The following MYO9B variants were observed in gnomAD, a reference collection of about 807,000 sequenced individuals.
MYO9B encodes unconventional myosin-IXb.
A neutral mutation model predicts 229.5 loss-of-function variants in MYO9B; 71 were observed. That is an observed-to-expected ratio of 0.31 (90% CI 0.26 to 0.38). The LOEUF (loss-of-function observed/expected upper bound fraction) is 0.38, where lower values mean the gene tolerates loss of function less well. Among genes scored for constraint, MYO9B ranks in the 10% least tolerant of loss-of-function variants. The probability of loss-of-function intolerance (pLI) is 1.00; values close to 1 mark genes in which losing one functional copy is unlikely to be tolerated. For missense variants in MYO9B, 2,255 were observed against 2,920.5 expected, an observed-to-expected ratio of 0.77 and a Z score of 5.25; for synonymous variants, 1,185 against 1,235.8, an observed-to-expected ratio of 0.96 and a Z score of 0.86.
intron 2 of MYO9B, among the ~76,000 whole-genome samples, chr19:17,138,385 G>C (rs1240743661): frequency 6.6e-6 from 1 of 152,142 alleles, no homozygotes; most frequent in Non-Finnish European, 1.5e-5. Context: ...CTCTATCGCA[G>C]AATGATTTAT....
At chr19:17,148,326 T>A (rs937904967) in intron 3 of MYO9B, among the ~76,000 whole-genome samples, 9 of 152,184 alleles carry the variant, frequency 5.9e-5, no homozygotes, top group Admixed American at 5.2e-4. Flanking sequence ...TTTCCAACAT[T>A]ATCTCTGTAT....
At chr19:17,203,898 G>A (rs2073134154) in intron 30 of MYO9B, among the ~76,000 whole-genome samples, 1 of 152,068 alleles carries the variant, frequency 6.6e-6, no homozygotes, top group Non-Finnish European at 1.5e-5. Context: ...CTGTAGGCCA[G>A]ACTCAGCCCC....
At chr19:17,120,299 G>A (rs191127748) in intron 2 of MYO9B, among the ~76,000 whole-genome samples, 8 of 152,256 alleles carry the variant, frequency 5.3e-5, no homozygotes, top group East Asian at 3.9e-4. Context: ...GGCAGCCACC[G>A]CTACTGCCCC....
chr19:17,153,877 G>A (rs1217310076), intron 4 of MYO9B, 90 bp from the exon 5 acceptor site: 23 of 898,220 alleles, frequency 2.6e-5, no homozygotes, highest in Non-Finnish European at 3.9e-5. Context: ...TTTGAGGTGT[G>A]CTCTCCAAAG....
chr19:17,100,246 C>G (rs116215881), intron 1 of MYO9B, among the ~76,000 whole-genome samples: 1,828 of 149,684 alleles, frequency 0.012, 47 homozygotes, highest in African/African-American at 0.041. Context: ...GAGGTTGGCA[C>G]ATCACCTGAG....
chr19:17,185,009 G>A (rs2072901740), intron 17 of MYO9B, 22 bp downstream of exon 17: 2 of 1,613,556 alleles, frequency 1.2e-6, no homozygotes, highest in African/African-American at 1.3e-5. Flanking sequence ...AGGAGAGGCA[G>A]AAGGTGGCGG....
chr19:17,192,602 T>G (rs1044910518), intron 20 of MYO9B, 144 bp from the exon 21 acceptor site: 1 of 502,578 alleles, frequency 2.0e-6, no homozygotes, highest in South Asian at 6.4e-5. Flanking sequence ...CTCAAAAAAA[T>G]AATAAATAAA....
intron 2 of MYO9B, among the ~76,000 whole-genome samples, chr19:17,139,977 G>A (rs2072317541): frequency 6.6e-6 from 1 of 151,930 alleles, no homozygotes; most frequent in Non-Finnish European, 1.5e-5. Context: ...GGAGGAGGAG[G>A]TTGTGGTGAG....
intron 28 of MYO9B, 70 bp downstream of exon 28, chr19:17,202,373 A>G: frequency 7.0e-7 from 1 of 1,429,452 alleles, no homozygotes; most frequent in Admixed American, 2.1e-5. Flanking sequence ...ATCCTTAGCC[A>G]CGCCCACCCA....
At chr19:17,110,405 G>C (rs564942311) in intron 2 of MYO9B, among the ~76,000 whole-genome samples, 4 of 152,298 alleles carry the variant, frequency 2.6e-5, no homozygotes, top group Admixed American at 6.5e-5. Context: ...CCCAGGGGCT[G>C]TGGATAGAGC....
intron 3 of MYO9B, 36 bp downstream of exon 3, chr19:17,145,527 G>A: frequency 6.4e-7 from 1 of 1,553,086 alleles, no homozygotes; most frequent in East Asian, 2.2e-5. Context: ...GGTGGGAGCT[G>A]GCCCCACGCA....
At chr19:17,169,478 G>A (rs1195262930) in intron 11 of MYO9B, among the ~76,000 whole-genome samples, 1 of 152,096 alleles carries the variant, frequency 6.6e-6, no homozygotes, top group Non-Finnish European at 1.5e-5. Flanking sequence ...AATTAGCCAG[G>A]CATGGTGGCG....
chr19:17,181,187 A>C, intron 15 of MYO9B, 147 bp downstream of exon 15: 1 of 581,456 alleles, frequency 1.7e-6, no homozygotes, highest in South Asian at 2.2e-5. Context: ...GCCATCACTA[A>C]ATGCCAATCA....
intron 15 of MYO9B, among the ~76,000 whole-genome samples, 166 bp downstream of exon 15, chr19:17,181,206 C>G (rs1173154042): frequency 1.3e-5 from 2 of 152,246 alleles, no homozygotes; most frequent in Admixed American, 1.3e-4. Context: ...CAATAACACC[C>G]CTGGCCTCTG....
At position 17,192,734 on chromosome 19, in the gene MYO9B, C is replaced by G. The variant is rs915097126; in HGVS notation, c.2812-12C>G. 1.5e-5 allele frequency: 23 copies of G among 1,514,806 alleles called. No homozygotes were observed. The highest frequency in any genetic ancestry group is 2.0e-5 in the Non-Finnish European group (22 of 1,126,088). The allele number at this position is 1,514,806 out of a possible 1,614,324, so 93.8% of individuals were successfully genotyped here. A position where few individuals can be genotyped will look rare whatever the true frequency, so the allele number is the denominator to read the frequency against. ...CAGTGCAGCTGACCCCACCTGACCC[C>G]GTGCCCACCAGGTCTTCCTGAAGGA... On this transcript the variant is annotated splice_polypyrimidine_tract_variant and intron_variant, in intron 20 of 39. Transcript: ENST00000682292.
chr19:17,179,906 AAAT>A (rs1259224481), intron 14 of MYO9B, among the ~76,000 whole-genome samples: 6 of 150,204 alleles, frequency 4.0e-5, no homozygotes, highest in African/African-American at 1.5e-4. Flanking sequence ...TTCCAAAAAA[AAAT>A]AAAATAAAAA....
At chr19:17,122,429 C>T (rs1392546683) in intron 2 of MYO9B, among the ~76,000 whole-genome samples, 1 of 152,076 alleles carries the variant, frequency 6.6e-6, no homozygotes, top group Non-Finnish European at 1.5e-5. Context: ...ATCCCAGCTA[C>T]TCAGGAGGCT....
intron 16 of MYO9B, 113 bp downstream of exon 16, chr19:17,183,981 C>A: frequency 9.5e-7 from 1 of 1,056,720 alleles, no homozygotes; most frequent in Non-Finnish European, 1.4e-6. Flanking sequence ...CACTATCTCC[C>A]CCTCCCTCCA....
rs747495043 is a variant in MYO9B at position 17,207,155 on chromosome 19, G to A, written c.5535G>A (p.Ala1845=). 1.7e-5 allele frequency: 27 copies of A among 1,608,336 alleles called. No individual in the cohort carries two copies. The highest frequency in any genetic ancestry group is 3.3e-4 in the Middle Eastern group (2 of 6,038). Residue 1845 remains alanine (A), a synonymous_variant, in exon 35 of 40, where the codon GCG becomes GCA. Transcript: ENST00000682292. The part of the protein sequence containing the change: ...LEDVNRMSPG[A]LAIIFAPCLL... ...ATGTCAACCGCATGTCACCTGGGGC[G>A]CTGGCCATTATCTTCGCACCCTGCC...
Sources: allele counts gnomAD v4.1 joint callset (sites outside exome capture counted in the v4.1 genomes callset), GRCh38; gene constraint gnomAD v4.1.1; transcripts MANE v1.5; gene names NCBI Gene and HGNC (gene_info 2026-07-23, HGNC 2026-07-21).